ZNF385D: variants seen among roughly 807,000 people sequenced by gnomAD.
The protein encoded by ZNF385D is zinc finger protein 659.
ZNF385D carries 15 observed loss-of-function variants against 35.8 expected under a neutral mutation model. That is an observed-to-expected ratio of 0.42 (90% confidence interval 0.28 to 0.64). ZNF385D has a LOEUF of 0.64. Ranked by LOEUF, ZNF385D falls within the 30% of genes least tolerant of loss-of-function variation. The pLI, the probability that ZNF385D is intolerant of heterozygous loss-of-function variation, is 0.23. For synonymous variants in ZNF385D, 212 were observed against 186.8 expected, an observed-to-expected ratio of 1.13 and a Z score of -1.10; for missense variants, 474 against 494.6, an observed-to-expected ratio of 0.96 and a Z score of 0.39.
chr3:21,845,983 AC>A (rs1695980480), intron 3 of ZNF385D, among the ~76,000 whole-genome samples: 1 of 152,018 alleles, frequency 6.6e-6, no homozygotes, highest in South Asian at 2.1e-4. Flanking sequence ...AAGCATGCTC[AC>A]CCTGAGACCT....
At chr3:21,975,320 C>T (rs1703526964) in intron 3 of ZNF385D, among the ~76,000 whole-genome samples, 1 of 152,014 alleles carries the variant, frequency 6.6e-6, no homozygotes. Flanking sequence ...GACAAACTTC[C>T]TATGTTCTCA....
Position 21,602,119 on chromosome 3 carries a change from G to A in ZNF385D, c.166-37435C>T, listed in dbSNP as rs116694912. Among the ~76,000 whole-genome samples the A allele has an allele frequency of 5.1e-3, 770 of 152,252 alleles. 7 individuals are homozygous for A. Among genetic ancestry groups the A allele is most frequent in the African/African-American group, 0.017 (718 of 41,538 alleles). ...TCTTAATGGCTGCAGGCAAGAGAGC[G>A]TGTGCAGGGGAATTCCCATTTATAA... On this transcript the variant is annotated intron_variant, in intron 2 of 7. Coordinates refer to ENST00000281523, the MANE Select transcript of ZNF385D (RefSeq NM_024697.3).
rs1575805717 is a variant in ZNF385D at position 21,867,441 on chromosome 3, T to A, written c.326-202413A>T. ...AAGGCTGAGAACTAATCAGTAGATTTGGGAACTGCTACTTTAGGAGTCTGT... is the reference window on the plus strand; with the variant it reads ...AAGGCTGAGAACTAATCAGTAGATTAGGGAACTGCTACTTTAGGAGTCTGT... On this transcript the variant is annotated intron_variant, in intron 3 of 5. Transcript: ENST00000494108. Among the ~76,000 whole-genome samples the A allele has an allele frequency of 1.1e-4, 17 of 152,258 alleles. No individual in the cohort carries two copies. The South Asian group carries it at 3.3e-3, about 30-fold the overall frequency.
At chr3:22,332,960 T>C (rs1695005797) in intron 2 of ZNF385D, among the ~76,000 whole-genome samples, 1 of 152,082 alleles carries the variant, frequency 6.6e-6, no homozygotes, top group African/African-American at 2.4e-5. Flanking sequence ...CCCATCATTC[T>C]GGAGAACTTT....
intron 2 of ZNF385D, among the ~76,000 whole-genome samples, chr3:22,169,224 A>C (rs557001499): frequency 1.1e-4 from 16 of 152,312 alleles, no homozygotes; most frequent in Non-Finnish European, 2.2e-4. Flanking sequence ...TATAAATGGC[A>C]AATGTTTAAC....
chr3:21,894,777 G>C (rs1184816137), intron 3 of ZNF385D, among the ~76,000 whole-genome samples: 1 of 152,098 alleles, frequency 6.6e-6, no homozygotes, highest in Non-Finnish European at 1.5e-5. Context: ...CTTACAAGCA[G>C]CAATAAGTTT....
rs115619029 is a variant in ZNF385D, at chr3:22,159,982, C to T, written c.325+8835G>A. 7.1e-3 allele frequency among the ~76,000 whole-genome samples: 1,072 copies of T among 152,030 alleles called. 10 individuals are homozygous for T. Among genetic ancestry groups the T allele is most frequent in the African/African-American group, 0.024 (1,011 of 41,482 alleles). On this transcript the variant is annotated intron_variant, in intron 3 of 5. Transcript: ENST00000494108. The stretch of plus-strand genomic sequence containing the variant: ...ATCCCCATAATCTTTACAATCCCCA[C>T]GTGTCAAAGGAGAGACCATGTGGGG...
At chr3:21,800,952 C>T (rs1415514411) in intron 3 of ZNF385D, among the ~76,000 whole-genome samples, 2 of 152,094 alleles carry the variant, frequency 1.3e-5, no homozygotes, top group African/African-American at 4.8e-5. Flanking sequence ...TACTCTTTCA[C>T]CATTAAGTGT....
intron 4 of ZNF385D, among the ~76,000 whole-genome samples, chr3:21,499,043 GTT>G (rs1706158399): frequency 6.6e-6 from 1 of 151,098 alleles, no homozygotes; most frequent in Non-Finnish European, 1.5e-5. Context: ...GTGTAAACTA[GTT>G]CAGCCATGAT....
intron 3 of ZNF385D, among the ~76,000 whole-genome samples, chr3:21,979,467 C>G (rs558062215): frequency 6.6e-6 from 1 of 152,160 alleles, no homozygotes; most frequent in Non-Finnish European, 1.5e-5. Context: ...AACTCAGTTA[C>G]GCTGGCTCAC....
chr3:21,828,340 A>T (rs2125756071), intron 3 of ZNF385D, among the ~76,000 whole-genome samples: 1 of 152,358 alleles, frequency 6.6e-6, no homozygotes, highest in Admixed American at 6.5e-5. Context: ...TAAAAGTAGA[A>T]GTTAAAATAA....
intron 2 of ZNF385D, among the ~76,000 whole-genome samples, chr3:22,246,825 G>A (rs1303616630): frequency 6.6e-6 from 1 of 151,970 alleles, no homozygotes; most frequent in African/African-American, 2.4e-5. Context: ...CCTAATAACG[G>A]CTCTCCTTCC....
intron 3 of ZNF385D, among the ~76,000 whole-genome samples, chr3:21,992,359 T>C (rs1049155532): frequency 2.6e-5 from 4 of 152,062 alleles, no homozygotes; most frequent in African/African-American, 7.2e-5. Context: ...TTAAACAAGA[T>C]AGAAGACATA....
At chr3:22,298,416 C>T (rs1226575992) in intron 2 of ZNF385D, among the ~76,000 whole-genome samples, 1 of 136,752 alleles carries the variant, frequency 7.3e-6, no homozygotes, top group African/African-American at 2.6e-5. Flanking sequence ...AAAATAAAAA[C>T]ATTTATATAT....
chr3:21,854,245 C>T lies in ZNF385D; in HGVS notation c.326-189217G>A, dbSNP rs6786416. Among the ~76,000 whole-genome samples the T allele has an allele frequency of 3.8e-3, 575 of 152,016 alleles. 6 individuals are homozygous for T. Among genetic ancestry groups the T allele is most frequent in the African/African-American group, 0.013 (546 of 41,528 alleles). ...AGAGCTTTTGAACCGGTTATCATTT[C>T]CTGGCTACAATATTTGCTTTTTAAC... On this transcript the variant is annotated intron_variant, in intron 3 of 5. Coordinates refer to the ZNF385D transcript ENST00000494108.
intron 3 of ZNF385D, among the ~76,000 whole-genome samples, chr3:22,126,310 G>GTTT (rs57457479): frequency 2.0e-5 from 2 of 100,130 alleles, no homozygotes; most frequent in Non-Finnish European, 3.9e-5. Flanking sequence ...TTTGAAAGTT[G>GTTT]TTTTTTTTTT....
chr3:22,201,877 A>G (rs1456083750), intron 2 of ZNF385D, among the ~76,000 whole-genome samples: 1 of 151,828 alleles, frequency 6.6e-6, no homozygotes, highest in Admixed American at 6.6e-5. Flanking sequence ...CATTGAATTT[A>G]AATATAATCA....
intron 3 of ZNF385D, among the ~76,000 whole-genome samples, chr3:21,514,058 T>C (rs1707402486): frequency 6.6e-6 from 1 of 152,156 alleles, no homozygotes; most frequent in Non-Finnish European, 1.5e-5. Context: ...CTGAGAGATT[T>C]TTTTAAAGCA....
intron 3 of ZNF385D, among the ~76,000 whole-genome samples, chr3:22,084,597 CAA>C (rs1161301545): frequency 1.3e-5 from 2 of 152,146 alleles, no homozygotes; most frequent in African/African-American, 4.8e-5. Context: ...TAGCAACCTA[CAA>C]AGAGACTTAG....
Sources: gnomAD v4.1 joint callset for allele counts (sites outside exome capture counted in the v4.1 genomes callset) on GRCh38, gnomAD v4.1.1 for gene constraint, MANE v1.5 for transcripts, NCBI Gene and HGNC (gene_info 2026-07-23, HGNC 2026-07-21) for gene names.